Variants in DPY19L4 observed in about 807,000 individuals in gnomAD.
DPY19L4 encodes probable C-mannosyltransferase DPY19L4.
DPY19L4 carries 97 observed loss-of-function variants against 102.8 expected under a neutral mutation model. The ratio of observed to expected loss-of-function variants is 0.94; its 90% confidence interval spans 0.80 to 1.12. The LOEUF (loss-of-function observed/expected upper bound fraction) is 1.12. Among genes scored for constraint, DPY19L4 ranks in the 50% most tolerant of loss-of-function variants. The probability of loss-of-function intolerance (pLI) is 0.00; values close to 1 mark genes in which losing one functional copy is unlikely to be tolerated. For synonymous variants in DPY19L4, 252 were observed against 283.1 expected (o/e 0.89, Z 1.10); for missense variants, 815 against 850.4 (o/e 0.96, Z 0.52).
At position 94,726,380 on chromosome 8, in the gene DPY19L4, T is replaced by C; in HGVS notation, c.66T>C (p.Asn22=). Residue 22 remains asparagine, a synonymous_variant, in exon 2 of 19, where the codon AAT becomes AAC. Coordinates refer to ENST00000414645, the MANE Select transcript of DPY19L4 (RefSeq NM_181787.3). ...RQRKKPKSSE[N]KESAKEEKIS... ...GAAAAAAGCCAAAGTCTTCAGAAAATAAGGAATCTGCCAAAGAAGAGAAAA... is the reference window on the plus strand; with the variant it reads ...GAAAAAAGCCAAAGTCTTCAGAAAACAAGGAATCTGCCAAAGAAGAGAAAA... 1 of 1,612,276 alleles carries C rather than the reference T, an allele frequency of 6.2e-7. No individual in the cohort carries two copies.
At chr8:94,724,203 A>G (rs534029403) in intron 1 of DPY19L4, among the ~76,000 whole-genome samples, 2 of 152,348 alleles carry the variant, frequency 1.3e-5, no homozygotes, top group South Asian at 2.1e-4. Context: ...CACATATAGT[A>G]TATTTGTTGA....
At chr8:94,744,306 G>A (rs548752834) in intron 6 of DPY19L4, 1 of 455,424 alleles carries the variant, frequency 2.2e-6, no homozygotes, top group Admixed American at 2.4e-5. Flanking sequence ...TTTTGGCCAG[G>A]GAGGCCTTAA....
At chr8:94,736,715 C>T (rs1468485691) in intron 3 of DPY19L4, among the ~76,000 whole-genome samples, 1 of 152,096 alleles carries the variant, frequency 6.6e-6, no homozygotes, top group East Asian at 1.9e-4. Flanking sequence ...ATTTGCTGTA[C>T]CTCTGGAAGT....
chr8:94,726,791 T>A (rs1810709564), intron 2 of DPY19L4, among the ~76,000 whole-genome samples: 1 of 152,198 alleles, frequency 6.6e-6, no homozygotes, highest in Non-Finnish European at 1.5e-5. Flanking sequence ...GCACCTTTTA[T>A]TGGCCAAAGC....
intron 13 of DPY19L4, among the ~76,000 whole-genome samples, chr8:94,771,286 A>C (rs935604480): frequency 2.0e-5 from 3 of 152,230 alleles, no homozygotes; most frequent in African/African-American, 7.2e-5. Context: ...TAAAAACTCA[A>C]AACCTATAAA....
intron 9 of DPY19L4, 140 bp downstream of exon 9, chr8:94,765,454 G>C (rs1812633445): frequency 1.2e-6 from 1 of 807,586 alleles, no homozygotes; most frequent in Non-Finnish European, 1.9e-6. Flanking sequence ...TCCTGCCTCA[G>C]CCTCCCAAGT....
At chr8:94,755,436 G>A (rs955947133) in intron 6 of DPY19L4, among the ~76,000 whole-genome samples, 1 of 152,170 alleles carries the variant, frequency 6.6e-6, no homozygotes, top group African/African-American at 2.4e-5. Context: ...GCAACAAGCT[G>A]TGTACCTTAG....
At chr8:94,781,216 G>A (rs1251386638) in intron 16 of DPY19L4, 50 bp downstream of exon 16, 12 of 1,350,600 alleles carry the variant, frequency 8.9e-6, no homozygotes, top group Non-Finnish European at 3.0e-6. Flanking sequence ...ATTAATCACT[G>A]CATGCTATCT....
At chr8:94,734,001 T>G (rs1811082952) in intron 2 of DPY19L4, among the ~76,000 whole-genome samples, 1 of 152,126 alleles carries the variant, frequency 6.6e-6, no homozygotes, top group African/African-American at 2.4e-5. Context: ...GATACATTAT[T>G]ATTAATTTAA....
rs1230422349 is a variant in DPY19L4 at position 94,743,697 on chromosome 8, T to C, written c.611+3907T>C. On this transcript the variant is annotated intron_variant, in intron 6 of 18. Coordinates refer to ENST00000414645, the MANE Select transcript of DPY19L4 (RefSeq NM_181787.3). ...AATGATTATTGTATTATTTAAAATA[T>C]AGACTTTCTAAAAGGATTGCTTTCT... Among the ~76,000 whole-genome samples the C allele has an allele frequency of 8.5e-5, 13 of 152,148 alleles. No individual in the cohort carries two copies. The East Asian group carries it at 2.1e-3, about 25-fold the overall frequency.
intron 12 of DPY19L4, among the ~76,000 whole-genome samples, chr8:94,769,616 C>G (rs1247213145): frequency 6.6e-6 from 1 of 151,758 alleles, no homozygotes; most frequent in African/African-American, 2.4e-5. Context: ...ATTTGAGAGG[C>G]TGACGCAGGA....
intron 14 of DPY19L4, among the ~76,000 whole-genome samples, chr8:94,779,981 C>T (rs767344918): frequency 1.3e-5 from 2 of 151,926 alleles, no homozygotes; most frequent in Non-Finnish European, 2.9e-5. Flanking sequence ...TGTGTTAATT[C>T]ATTGTTTTTT....
intron 1 of DPY19L4, among the ~76,000 whole-genome samples, chr8:94,725,529 C>T (rs1810648580): frequency 6.6e-6 from 1 of 152,178 alleles, no homozygotes; most frequent in South Asian, 2.1e-4. Flanking sequence ...TTTTCTAATA[C>T]CTAAATCTAT....
intron 18 of DPY19L4, 80 bp downstream of exon 18, chr8:94,788,132 T>G: frequency 2.7e-6 from 2 of 747,440 alleles, no homozygotes; most frequent in Non-Finnish European, 3.5e-6. Context: ...ACTTATAATC[T>G]TTAAACTTTA....
chr8:94,766,064 A>T (rs996380219), intron 10 of DPY19L4, among the ~76,000 whole-genome samples: 11 of 152,262 alleles, frequency 7.2e-5, no homozygotes, highest in African/African-American at 2.7e-4. Flanking sequence ...ATTAAGCAAT[A>T]TATGGAATAA....
Position 94,739,800 on chromosome 8 carries a change from C to T in DPY19L4, c.611+10C>T. On this transcript the variant is annotated intron_variant, in intron 6 of 18. Coordinates refer to ENST00000414645, the MANE Select transcript of DPY19L4 (RefSeq NM_181787.3). ...GGTTCGTTATTAACAGGTAAGAAAG[C>T]TGTTTTAATTGATTTTTAAAAACTT... 2.5e-6 allele frequency: 4 copies of T among 1,610,318 alleles called. No homozygotes were observed. The highest frequency in any genetic ancestry group is 2.5e-6 in the Non-Finnish European group (3 of 1,179,544).
intron 13 of DPY19L4, among the ~76,000 whole-genome samples, chr8:94,774,825 C>T (rs1359436855): frequency 6.6e-6 from 1 of 152,134 alleles, no homozygotes; most frequent in Admixed American, 6.5e-5. Flanking sequence ...GATCTGCCCG[C>T]CTCGGCCCCC....
chr8:94,745,295 G>C (rs1243107953), intron 6 of DPY19L4, among the ~76,000 whole-genome samples: 1 of 152,088 alleles, frequency 6.6e-6, no homozygotes, highest in Non-Finnish European at 1.5e-5. Context: ...AAAATGGACT[G>C]ACAGAGTCCA....
At chr8:94,770,923 T>TTC (rs1335684444) in intron 13 of DPY19L4, among the ~76,000 whole-genome samples, 1 of 73,296 alleles carries the variant, frequency 1.4e-5, no homozygotes, top group Non-Finnish European at 2.5e-5. Flanking sequence ...AAGATTGTCT[T>TTC]TTTTTTTTTT....
Sources: gnomAD v4.1 joint callset for allele counts (sites outside exome capture counted in the v4.1 genomes callset) on GRCh38, gnomAD v4.1.1 for gene constraint, MANE v1.5 for transcripts, NCBI Gene and HGNC (gene_info 2026-07-23, HGNC 2026-07-21) for gene names.